The following CADM2 variants were observed in gnomAD, a reference collection of about 807,000 sequenced individuals.
CADM2 encodes cell adhesion molecule 2, also known as immunoglobulin superfamily member 4D.
Under a neutral mutation model 49.8 loss-of-function variants are expected in CADM2, and 12 were observed. That is an observed-to-expected ratio of 0.24 (90% CI 0.15 to 0.39). The LOEUF is 0.39. CADM2 is among the 10% of genes least tolerant of loss of function. The pLI is 1.00. For synonymous variants in CADM2, 214 were observed against 175.4 expected (o/e 1.22, Z -1.74); for missense variants, 378 against 492.3 (o/e 0.77, Z 2.20).
At chr3:85,549,531 A>G (rs1453602167) in intron 1 of CADM2, among the ~76,000 whole-genome samples, 1 of 152,314 alleles carries the variant, frequency 6.6e-6, no homozygotes, top group Non-Finnish European at 1.5e-5. Flanking sequence ...AACATAAAGG[A>G]ATAAGAACAG....
chr3:85,856,658 T>C (rs529170680), intron 3 of CADM2, among the ~76,000 whole-genome samples: 2 of 152,318 alleles, frequency 1.3e-5, no homozygotes, highest in South Asian at 2.1e-4. Flanking sequence ...CAAAATGATC[T>C]AATTTAGAGT....
intron 1 of CADM2, among the ~76,000 whole-genome samples, chr3:85,708,952 G>T (rs2067032439): frequency 6.6e-6 from 1 of 151,516 alleles, no homozygotes. Context: ...AAAAACCACA[G>T]CCCTCTCTCT....
At chr3:85,613,819 G>T (rs897104691) in intron 1 of CADM2, among the ~76,000 whole-genome samples, 3 of 151,556 alleles carry the variant, frequency 2.0e-5, no homozygotes, top group African/African-American at 7.3e-5. Flanking sequence ...GTATTTAAGT[G>T]ATTAGTCTCT....
At chr3:85,391,789 ATGGGGCAGG>A (rs1268849816) in intron 1 of CADM2, among the ~76,000 whole-genome samples, 10 of 152,214 alleles carry the variant, frequency 6.6e-5, no homozygotes, top group African/African-American at 2.4e-4. Context: ...CTGCATATGC[ATGGGGCAGG>A]TGGATGATAA....
At chr3:86,030,867 A>C (rs921102888) in intron 8 of CADM2, among the ~76,000 whole-genome samples, 3 of 151,894 alleles carry the variant, frequency 2.0e-5, no homozygotes, top group Admixed American at 6.6e-5. Context: ...TATAAATTTC[A>C]AATGCCAGTT....
At chr3:85,465,751 A>G (rs2038463972) in intron 1 of CADM2, among the ~76,000 whole-genome samples, 1 of 152,008 alleles carries the variant, frequency 6.6e-6, no homozygotes, top group South Asian at 2.1e-4. Flanking sequence ...AATCATGAGA[A>G]CTACACATAT....
chr3:85,995,717 T>C (rs1245259307), intron 8 of CADM2, among the ~76,000 whole-genome samples: 1 of 152,118 alleles, frequency 6.6e-6, no homozygotes, highest in Non-Finnish European at 1.5e-5. Context: ...ATATAGAAAG[T>C]CTTCAGTTGA....
intron 1 of CADM2, among the ~76,000 whole-genome samples, chr3:85,017,033 C>G (rs1429221706): frequency 6.6e-6 from 1 of 152,134 alleles, no homozygotes; most frequent in Non-Finnish European, 1.5e-5. Flanking sequence ...GAAATAGGTT[C>G]TTTGTAATAT....
rs938933660 is a variant in CADM2 at position 86,070,861 on chromosome 3, G to A, written c.*4078G>A. ...ATATTGGGAAAGAGGAAATCTTAGT[G>A]TAGATAATAGAATTTGTTTTGAAAT... On this transcript the variant is annotated 3_prime_UTR_variant, in exon 10 of 10. Coordinates refer to ENST00000383699, the MANE Select transcript of CADM2 (RefSeq NM_001167675.2). 1 of 151,894 alleles carries A rather than the reference G, an allele frequency of 6.6e-6. No homozygotes were observed. Among genetic ancestry groups the A allele is most frequent in the African/African-American group, 2.4e-5 (1 of 41,428 alleles). 9.4% of individuals were successfully genotyped at this position (151,894 alleles called of 1,614,324 possible). A position where few individuals can be genotyped will look rare whatever the true frequency, so the allele number is the denominator to read the frequency against.
At chr3:85,959,030 CTATATCTATATCTATATATCTA>C (rs948024458) in intron 7 of CADM2, among the ~76,000 whole-genome samples, 12 of 135,308 alleles carry the variant, frequency 8.9e-5, no homozygotes, top group East Asian at 2.0e-4. Flanking sequence ...TTAAAAAAAT[CTATATCTATATCTATATATCTA>C]TATATCTATA....
At chr3:85,877,574 G>A (rs922989197) in intron 3 of CADM2, among the ~76,000 whole-genome samples, 1 of 150,968 alleles carries the variant, frequency 6.6e-6, no homozygotes, top group Non-Finnish European at 1.5e-5. Flanking sequence ...TCATTCAGTA[G>A]TTCAGATCAT....
chr3:85,819,581 C>A (rs7622544), intron 3 of CADM2, among the ~76,000 whole-genome samples: 8,574 of 152,142 alleles, frequency 0.056, 400 homozygotes, highest in East Asian at 0.19. Flanking sequence ...AGCTCCCTAC[C>A]ATCCATTTAT....
At chr3:85,977,081 G>A (rs888711134) in intron 8 of CADM2, among the ~76,000 whole-genome samples, 33 of 150,898 alleles carry the variant, frequency 2.2e-4, no homozygotes, top group African/African-American at 7.3e-4. Flanking sequence ...ATTGGTTGAC[G>A]TGGTATAAGC....
At chr3:85,522,808 G>A (rs2061056603) in intron 1 of CADM2, among the ~76,000 whole-genome samples, 1 of 151,996 alleles carries the variant, frequency 6.6e-6, no homozygotes, top group Admixed American at 6.6e-5. Flanking sequence ...CAGAGTGATA[G>A]AAAGACACAG....
At chr3:85,055,713 C>T (rs144906375) in intron 1 of CADM2, among the ~76,000 whole-genome samples, 3,111 of 152,054 alleles carry the variant, frequency 0.02, 41 homozygotes, top group Non-Finnish European at 0.031. Context: ...ATAAGAGTTA[C>T]GGTTAATGAT....
intron 8 of CADM2, among the ~76,000 whole-genome samples, chr3:85,970,527 T>C (rs1326448438): frequency 6.6e-6 from 1 of 151,646 alleles, no homozygotes; most frequent in East Asian, 1.9e-4. Flanking sequence ...ATAGTTTTCT[T>C]AAATTATAGG....
At chr3:85,760,670 G>A (rs2069330747) in intron 2 of CADM2, among the ~76,000 whole-genome samples, 1 of 152,112 alleles carries the variant, frequency 6.6e-6, no homozygotes, top group Non-Finnish European at 1.5e-5. Flanking sequence ...CAAGGTAGCT[G>A]ATAAGTTTTA....
At chr3:85,806,087 A>G (rs543423966) in intron 3 of CADM2, among the ~76,000 whole-genome samples, 1 of 151,704 alleles carries the variant, frequency 6.6e-6, no homozygotes, top group Admixed American at 6.6e-5. Flanking sequence ...AGGCAAGTCA[A>G]CTCTCTGAAG....
chr3:86,024,865 T>G (rs1733689178), intron 8 of CADM2, among the ~76,000 whole-genome samples: 1 of 151,222 alleles, frequency 6.6e-6, no homozygotes, highest in South Asian at 2.1e-4. Flanking sequence ...ATCTTTACAT[T>G]ATTATTATTA....
Sources: gnomAD v4.1 joint callset for allele counts (sites outside exome capture counted in the v4.1 genomes callset) on GRCh38, gnomAD v4.1.1 for gene constraint, MANE v1.5 for transcripts, NCBI Gene and HGNC (gene_info 2026-07-23, HGNC 2026-07-21) for gene names.